LRRC4C: variants seen among roughly 807,000 people sequenced by gnomAD.
LRRC4C encodes leucine-rich repeat-containing protein 4C.
A neutral mutation model predicts 33.6 loss-of-function variants in LRRC4C; 5 were observed. That is an observed-to-expected ratio of 0.15 (90% CI 0.08 to 0.31). The LOEUF (loss-of-function observed/expected upper bound fraction) is 0.31. LRRC4C is among the 10% of genes least tolerant of loss of function. LRRC4C has a pLI of 1.00. For missense variants in LRRC4C, 560 were observed against 796.7 expected, an observed-to-expected ratio of 0.70 and a Z score of 3.58; for synonymous variants, 329 against 302.0, an observed-to-expected ratio of 1.09 and a Z score of -0.93.
intron 3 of LRRC4C, among the ~76,000 whole-genome samples, chr11:40,357,763 G>A (rs1471905954): frequency 6.6e-6 from 1 of 152,048 alleles, no homozygotes; most frequent in Non-Finnish European, 1.5e-5. Flanking sequence ...GTTCTACAAA[G>A]CCTACAACGT....
chr11:40,858,735 G>C (rs1953930213), intron 2 of LRRC4C, among the ~76,000 whole-genome samples: 1 of 141,336 alleles, frequency 7.1e-6, no homozygotes, highest in Non-Finnish European at 1.5e-5. Flanking sequence ...GTGCAACTTA[G>C]TCCCAAAGAC....
At chr11:40,712,263 T>A (rs537877547) in intron 2 of LRRC4C, among the ~76,000 whole-genome samples, 52 of 152,334 alleles carry the variant, frequency 3.4e-4, no homozygotes, top group African/African-American at 1.2e-3. Context: ...TTTTCTTGAA[T>A]ATATTGTATT....
chr11:40,910,255 G>A (rs1291387636), intron 2 of LRRC4C, among the ~76,000 whole-genome samples: 1 of 151,950 alleles, frequency 6.6e-6, no homozygotes, highest in Non-Finnish European at 1.5e-5. Context: ...AAAATAACAT[G>A]ATTCAATTCA....
intron 1 of LRRC4C, among the ~76,000 whole-genome samples, chr11:40,971,404 G>A (rs7945152): frequency 0.016 from 2,396 of 152,290 alleles, 64 homozygotes; most frequent in African/African-American, 0.055. Context: ...CTGTAAGTCT[G>A]TTTGGCTTCC....
At chr11:40,996,961 G>A (rs557757625) in intron 1 of LRRC4C, among the ~76,000 whole-genome samples, 66 of 152,136 alleles carry the variant, frequency 4.3e-4, no homozygotes, top group Non-Finnish European at 7.5e-4. Flanking sequence ...TTTCAACATT[G>A]GAGGGGATGA....
chr11:40,626,418 C>T (rs755729977), intron 3 of LRRC4C, among the ~76,000 whole-genome samples: 5 of 152,080 alleles, frequency 3.3e-5, no homozygotes, highest in African/African-American at 4.8e-5. Context: ...GCTGTCTCCA[C>T]CTATTCAAAA....
In LRRC4C at chr11:40,128,071, C is replaced by T. The variant is rs560805334; in HGVS notation, c.-42-11737G>A. Reference sequence around the variant, plus strand: ...CAAAAACCAGCTTTAGAGTAAAATGCCCCGGAGGGTTGGTTTGGTATTCCT... The same window carrying T: ...CAAAAACCAGCTTTAGAGTAAAATGTCCCGGAGGGTTGGTTTGGTATTCCT... On this transcript the variant is annotated intron_variant, in intron 6 of 6. Transcript: ENST00000528697. Among the ~76,000 whole-genome samples the T allele has an allele frequency of 6.2e-5, 9 of 146,086 alleles. No homozygotes were observed. In the South Asian group the frequency reaches 1.9e-3, roughly 31 times the overall value.
At chr11:40,439,515 G>T (rs1335946293) in intron 3 of LRRC4C, among the ~76,000 whole-genome samples, 3 of 149,470 alleles carry the variant, frequency 2.0e-5, no homozygotes, top group Admixed American at 1.3e-4. Context: ...GTGCAGTGGT[G>T]CAATCTCGGC....
At chr11:40,640,647 C>A (rs1050477434) in intron 3 of LRRC4C, among the ~76,000 whole-genome samples, 1 of 151,784 alleles carries the variant, frequency 6.6e-6, no homozygotes, top group Non-Finnish European at 1.5e-5. Context: ...TTTCATAATA[C>A]CAATATATAT....
At chr11:41,404,933 C>A (rs79387023) in intron 1 of LRRC4C, among the ~76,000 whole-genome samples, 4,307 of 152,082 alleles carry the variant, frequency 0.028, 228 homozygotes, top group African/African-American at 0.098. Context: ...ATATGGAAAA[C>A]ATACTATATT....
At chr11:40,967,300 T>C (rs1851433374) in intron 1 of LRRC4C, among the ~76,000 whole-genome samples, 2 of 151,876 alleles carry the variant, frequency 1.3e-5, no homozygotes, top group African/African-American at 4.8e-5. Flanking sequence ...GGAGCATGAA[T>C]AAATAGTAGG....
intron 1 of LRRC4C, among the ~76,000 whole-genome samples, chr11:41,186,828 C>T (rs888056725): frequency 5.3e-5 from 8 of 152,138 alleles, no homozygotes; most frequent in Non-Finnish European, 1.0e-4. Flanking sequence ...TAGGTAGTCA[C>T]GTGTGCCTTG....
intron 2 of LRRC4C, among the ~76,000 whole-genome samples, chr11:40,684,095 C>T (rs766766618): frequency 2.6e-5 from 4 of 151,796 alleles, no homozygotes; most frequent in Non-Finnish European, 5.9e-5. Flanking sequence ...AATATTTCCA[C>T]CTTGAATGAA....
At chr11:40,657,959 A>G (rs1452434075) in intron 2 of LRRC4C, among the ~76,000 whole-genome samples, 1 of 152,218 alleles carries the variant, frequency 6.6e-6, no homozygotes, top group African/African-American at 2.4e-5. Context: ...AAGATATACT[A>G]AACAACAAAG....
chr11:40,774,603 C>T (rs768654018), intron 2 of LRRC4C, among the ~76,000 whole-genome samples: 4 of 152,040 alleles, frequency 2.6e-5, no homozygotes, highest in East Asian at 1.9e-4. Flanking sequence ...AGTTAAATTA[C>T]GCTATGATCT....
chr11:40,966,724 G>A (rs1191554709), intron 1 of LRRC4C, among the ~76,000 whole-genome samples: 1 of 151,640 alleles, frequency 6.6e-6, no homozygotes, highest in Non-Finnish European at 1.5e-5. Flanking sequence ...CATTGATGTT[G>A]TCCCTTAGAA....
intron 2 of LRRC4C, among the ~76,000 whole-genome samples, chr11:40,755,037 A>G (rs1212878087): frequency 1.3e-5 from 2 of 152,112 alleles, no homozygotes; most frequent in African/African-American, 4.8e-5. Flanking sequence ...ACATTCATAG[A>G]TCTTAAATTG....
chr11:41,213,042 A>G (rs895355234), intron 1 of LRRC4C, among the ~76,000 whole-genome samples: 4 of 152,186 alleles, frequency 2.6e-5, no homozygotes, highest in South Asian at 2.1e-4. Flanking sequence ...TTTGCCTCCT[A>G]TGATTTTTGG....
chr11:41,227,068 G>T (rs565139940), intron 1 of LRRC4C, among the ~76,000 whole-genome samples: 13 of 151,982 alleles, frequency 8.6e-5, no homozygotes, highest in Middle Eastern at 3.4e-3. Flanking sequence ...TAATGGGCAA[G>T]ACTAGTAATT....
Sources: gnomAD v4.1 joint callset for allele counts (sites outside exome capture counted in the v4.1 genomes callset) on GRCh38, gnomAD v4.1.1 for gene constraint, MANE v1.5 for transcripts, NCBI Gene and HGNC (gene_info 2026-07-23, HGNC 2026-07-21) for gene names.